The following PCNX1 variants were observed in gnomAD, a reference collection of about 807,000 sequenced individuals.
PCNX1 encodes pecanex 1, also known as pecanex-like protein 1.
In PCNX1, 78 loss-of-function variants were observed where a neutral mutation model predicts 242.2. The ratio of observed to expected loss-of-function variants is 0.32; its 90% CI spans 0.27 to 0.39. The LOEUF (loss-of-function observed/expected upper bound fraction) is 0.39. Ranked by LOEUF, PCNX1 falls within the 10% of genes least tolerant of loss-of-function variation. The pLI is 1.00. For missense variants in PCNX1, 2,581 were observed against 2,856.5 expected, an observed-to-expected ratio of 0.90 and a Z score of 2.20; for synonymous variants, 1,024 against 1,032.9, an observed-to-expected ratio of 0.99 and a Z score of 0.17.
At chr14:70,913,433 A>C (rs932374370) in intron 1 of PCNX1, among the ~76,000 whole-genome samples, 7 of 152,158 alleles carry the variant, frequency 4.6e-5, no homozygotes, top group African/African-American at 1.7e-4. Flanking sequence ...AAAAACACTT[A>C]AGTCATTGAA....
At chr14:71,079,762 T>A (rs2061805876) in intron 28 of PCNX1, among the ~76,000 whole-genome samples, 1 of 152,184 alleles carries the variant, frequency 6.6e-6, no homozygotes, top group African/African-American at 2.4e-5. Flanking sequence ...TTGTAGATTC[T>A]GGATATTAGC....
chr14:70,929,997 TA>T, intron 1 of PCNX1, among the ~76,000 whole-genome samples: 1 of 152,330 alleles, frequency 6.6e-6, no homozygotes, highest in South Asian at 2.1e-4. Flanking sequence ...TACATAAGAT[TA>T]TTTTAGTCCA....
chr14:71,098,509 CGTGTGT>C lies in PCNX1; in HGVS notation c.5590-3441_5590-3436del, dbSNP rs3221474. 5.2e-3 allele frequency among the ~76,000 whole-genome samples: 664 copies of C among 128,638 alleles called. 3 individuals are homozygous for C. The highest frequency in any genetic ancestry group is 9.0e-3 in the African/African-American group (297 of 33,170). The allele number at this position is 128,638 out of a possible 152,430, so 84.4% of individuals were successfully genotyped here. ...TTTGGCCTCCTTGGTTAGATGTATT[CGTGTGT>C]GTGTGTGTGTGTGTGTGTGTGTGTG... On this transcript the variant is annotated intron_variant, in intron 30 of 35. Transcript: ENST00000304743.
intron 1 of PCNX1, among the ~76,000 whole-genome samples, chr14:70,912,614 C>A (rs1300679675): frequency 1.3e-5 from 2 of 151,754 alleles, no homozygotes; most frequent in African/African-American, 4.8e-5. Flanking sequence ...TATCTAGTTG[C>A]TTATCCCCCA....
At chr14:70,992,333 C>A (rs538829480) in intron 7 of PCNX1, among the ~76,000 whole-genome samples, 5 of 152,034 alleles carry the variant, frequency 3.3e-5, no homozygotes, top group Non-Finnish European at 5.9e-5. Context: ...ATTAAAAAAT[C>A]TGTAATACAA....
intron 8 of PCNX1, among the ~76,000 whole-genome samples, chr14:71,004,551 G>A (rs375044262): frequency 2.6e-5 from 4 of 152,178 alleles, no homozygotes; most frequent in African/African-American, 4.8e-5. Flanking sequence ...TCCTGAAACC[G>A]TCCTCCAATC....
At chr14:70,955,117 T>C (rs2057943109) in intron 2 of PCNX1, among the ~76,000 whole-genome samples, 2 of 152,324 alleles carry the variant, frequency 1.3e-5, no homozygotes, top group African/African-American at 4.8e-5. Context: ...TGGTTCAATC[T>C]TTTAGAGAAA....
At position 71,013,221 on chromosome 14, in the gene PCNX1, A is replaced by G; in HGVS notation, c.2996+19A>G. 1 of 1,509,198 alleles carries G rather than the reference A, an allele frequency of 6.6e-7. No individual in the cohort carries two copies. Among genetic ancestry groups the G allele is most frequent in the Non-Finnish European group, 9.2e-7 (1 of 1,084,336 alleles). 93.5% of individuals were successfully genotyped at this position (1,509,198 alleles called of 1,614,324 possible). A position where few individuals can be genotyped will look rare whatever the true frequency, so the allele number is the denominator to read the frequency against. On this transcript the variant is annotated intron_variant, in intron 11 of 35. Coordinates refer to ENST00000304743, the MANE Select transcript of PCNX1 (RefSeq NM_014982.3). ...TTGATAGGTGAGATTATAGTGTGATATTAATGATACGTGTGGATTTTATTT... is the reference window on the plus strand; with the variant it reads ...TTGATAGGTGAGATTATAGTGTGATGTTAATGATACGTGTGGATTTTATTT...
intron 2 of PCNX1, among the ~76,000 whole-genome samples, chr14:70,959,591 G>A (rs2058129896): frequency 6.6e-6 from 1 of 151,366 alleles, no homozygotes; most frequent in Non-Finnish European, 1.5e-5. Context: ...AGTATTCCAT[G>A]GTGTATATGT....
Position 71,105,415 on chromosome 14 carries a change from T to C in PCNX1, c.6276T>C (p.Pro2092=). The C allele has an allele frequency of 1.2e-6, 2 of 1,613,958 alleles. No individual in the cohort carries two copies. Among genetic ancestry groups the C allele is most frequent in the Non-Finnish European group, 1.7e-6 (2 of 1,179,814 alleles). ...GATCAGGAACTGGACTCCACCCACC[T>C]GTCACATCTTATCCTCCAACACTAG... The part of the protein sequence containing the change: ...GQGSGTGLHP[P]VTSYPPTLGT... Residue 2092 remains proline (P), a synonymous_variant, in exon 33 of 36, where the codon CCT becomes CCC. Coordinates refer to ENST00000304743, the MANE Select transcript of PCNX1 (RefSeq NM_014982.3).
chr14:71,051,219 A>C (rs1313763477), intron 23 of PCNX1, among the ~76,000 whole-genome samples: 1 of 148,704 alleles, frequency 6.7e-6, no homozygotes, highest in African/African-American at 2.5e-5. Context: ...TTATATCCAC[A>C]CCTATATTGT....
chr14:71,105,236 C>T lies in PCNX1; in HGVS notation c.6097C>T (p.Leu2033Phe). 6.2e-7 allele frequency: 1 copy of T among 1,612,640 alleles called. No individual in the cohort carries two copies. Among genetic ancestry groups the T allele is most frequent in the Non-Finnish European group, 8.5e-7 (1 of 1,178,734 alleles). The change falls in exon 33 of 36, where the codon CTT (leucine) becomes TTT (phenylalanine). Residue 2033 changes from leucine to phenylalanine, a missense_variant and splice_region_variant. By Grantham distance (22) the Leu-to-Phe change is conservative. Transcript: ENST00000304743. The stretch of plus-strand genomic sequence containing the variant: ...TCCTACTCTGGTATTTGTTCCTAGG[C>T]TTAGGAAAGGTTGCGGAGCTGGATG... The part of the protein sequence containing the change: ...RNFIVSTWHR[L>F]RKGCGAGCNS...
chr14:71,041,258 C>T (rs1162144572), intron 19 of PCNX1, among the ~76,000 whole-genome samples: 1 of 152,060 alleles, frequency 6.6e-6, no homozygotes, highest in African/African-American at 2.4e-5. Context: ...CCAAACTGTT[C>T]TCCGTAGTGG....
At chr14:71,047,671 A>G (rs896301397) in intron 21 of PCNX1, 136 bp from the exon 22 acceptor site, 8 of 629,292 alleles carry the variant, frequency 1.3e-5, no homozygotes, top group Admixed American at 5.9e-5. Flanking sequence ...ACCTAGCTCT[A>G]TACATCATTT....
chr14:71,085,410 T>C (rs1024586834), intron 28 of PCNX1: 1 of 152,234 alleles, frequency 6.6e-6, no homozygotes, highest in African/African-American at 2.4e-5. Flanking sequence ...ATTAAAGACA[T>C]GCTTTATTAA....
intron 30 of PCNX1, among the ~76,000 whole-genome samples, chr14:71,101,675 A>G (rs1465709312): frequency 1.3e-5 from 2 of 152,356 alleles, no homozygotes; most frequent in East Asian, 1.9e-4. Flanking sequence ...TTCAACAGAA[A>G]AAAAAACATG....
At chr14:70,915,506 C>T (rs1221002727) in intron 1 of PCNX1, among the ~76,000 whole-genome samples, 2 of 152,118 alleles carry the variant, frequency 1.3e-5, no homozygotes, top group African/African-American at 4.8e-5. Context: ...TCATAGAATT[C>T]ATACTGTTTT....
At chr14:70,934,769 T>C (rs999699884) in intron 1 of PCNX1, among the ~76,000 whole-genome samples, 3 of 152,202 alleles carry the variant, frequency 2.0e-5, no homozygotes, top group African/African-American at 7.2e-5. Flanking sequence ...TGCCAGGGCA[T>C]AGGGGAAAGG....
intron 8 of PCNX1, among the ~76,000 whole-genome samples, chr14:70,998,744 C>T (rs1353007496): frequency 8.1e-6 from 1 of 123,274 alleles, no homozygotes; most frequent in Admixed American, 8.9e-5. Context: ...GAGTGAGACC[C>T]TATCTCAAAA....
Sources: gnomAD v4.1 joint callset for allele counts (sites outside exome capture counted in the v4.1 genomes callset) on GRCh38, gnomAD v4.1.1 for gene constraint, MANE v1.5 for transcripts, NCBI Gene and HGNC (gene_info 2026-07-23, HGNC 2026-07-21) for gene names.